LRP1B: variants seen among roughly 807,000 people sequenced by gnomAD.
LRP1B encodes the protein low-density lipoprotein receptor-related protein 1B.
In LRP1B, 217 loss-of-function variants were observed where a neutral mutation model predicts 556.6. That is an observed-to-expected ratio of 0.39 (90% CI 0.35 to 0.44). LRP1B has a LOEUF of 0.44. Ranked by LOEUF, LRP1B falls within the 20% of genes least tolerant of loss-of-function variation. The probability of loss-of-function intolerance (pLI) is 1.00; values close to 1 mark genes in which losing one functional copy is unlikely to be tolerated. For synonymous variants in LRP1B, 2,047 were observed against 1,865.8 expected (o/e 1.10, Z -2.50); for missense variants, 5,053 against 5,620.8 (o/e 0.90, Z 3.23).
intron 79 of LRP1B, among the ~76,000 whole-genome samples, chr2:140,328,445 A>G (rs1303018538): frequency 6.6e-6 from 1 of 151,238 alleles, no homozygotes; most frequent in East Asian, 1.9e-4. Flanking sequence ...CTAGTTCCCC[A>G]ATTTCCATTG....
chr2:140,969,309 G>A (rs1415716434), intron 18 of LRP1B, among the ~76,000 whole-genome samples: 1 of 152,104 alleles, frequency 6.6e-6, no homozygotes, highest in African/African-American at 2.4e-5. Flanking sequence ...TTTGATCTTT[G>A]TTGGTTTAAA....
chr2:140,450,743 CT>C, intron 62 of LRP1B, 82 bp from the exon 63 acceptor site: 1 of 888,922 alleles, frequency 1.1e-6, no homozygotes, highest in Non-Finnish European at 1.7e-6. Flanking sequence ...GCAACACAGC[CT>C]AGTCTACTTT....
chr2:141,331,882 T>C (rs1432327191), intron 3 of LRP1B, among the ~76,000 whole-genome samples: 1 of 152,204 alleles, frequency 6.6e-6, no homozygotes, highest in East Asian at 1.9e-4. Context: ...TTACCCTTGT[T>C]CTACCCCACA....
chr2:140,309,465 A>T (rs1016024766), intron 83 of LRP1B, among the ~76,000 whole-genome samples: 6 of 151,806 alleles, frequency 4.0e-5, no homozygotes, highest in African/African-American at 1.2e-4. Flanking sequence ...AAGATTGAAT[A>T]GTCTGGTATT....
At chr2:141,336,015 C>T (rs531125347) in intron 3 of LRP1B, among the ~76,000 whole-genome samples, 2 of 143,586 alleles carry the variant, frequency 1.4e-5, no homozygotes, top group East Asian at 2.0e-4. Context: ...GGTTTAGGCT[C>T]GATGTTATCT....
rs552354000 is a variant in LRP1B, at chr2:140,935,647, T to C, written c.3137-12500A>G. Among the ~76,000 whole-genome samples the C allele has an allele frequency of 8.5e-5, 13 of 152,142 alleles. No individual in the cohort carries two copies. The East Asian group carries it at 2.1e-3, about 25-fold the overall frequency. ...AAGTTTGATGAAATACATGAATATA[T>C]ACATCCAAGAAGCTCAACCATCCCC... On this transcript the variant is annotated intron_variant, in intron 20 of 90. Coordinates refer to ENST00000389484, the MANE Select transcript of LRP1B (RefSeq NM_018557.3).
intron 6 of LRP1B, among the ~76,000 whole-genome samples, chr2:141,203,402 A>C (rs552074667): frequency 6.6e-6 from 1 of 152,340 alleles, no homozygotes; most frequent in South Asian, 2.1e-4. Context: ...ATCTGTGATA[A>C]AACAGACTTT....
intron 1 of LRP1B, among the ~76,000 whole-genome samples, chr2:141,936,745 G>A (rs558807797): frequency 2.6e-5 from 4 of 152,118 alleles, no homozygotes; most frequent in Admixed American, 2.6e-4. Flanking sequence ...TCATTCGTAG[G>A]ATTCCTAGCA....
chr2:141,820,708 G>T (rs1696722913), intron 1 of LRP1B, among the ~76,000 whole-genome samples: 1 of 152,216 alleles, frequency 6.6e-6, no homozygotes, highest in African/African-American at 2.4e-5. Context: ...ACACAAGTTT[G>T]CATGTTTTAA....
At chr2:140,878,723 G>A (rs1229478395) in intron 25 of LRP1B, among the ~76,000 whole-genome samples, 2 of 152,044 alleles carry the variant, frequency 1.3e-5, no homozygotes, top group East Asian at 3.9e-4. Context: ...AAAAAAATAA[G>A]AGGCCAGGTG....
chr2:141,215,396 T>C (rs974490365), intron 6 of LRP1B, among the ~76,000 whole-genome samples: 3 of 152,150 alleles, frequency 2.0e-5, no homozygotes, highest in Non-Finnish European at 4.4e-5. Context: ...ATACAGATAA[T>C]TGGTACAGAG....
In LRP1B at chr2:141,144,934, C is replaced by G. The variant is rs548562117; in HGVS notation, c.1013+43487G>C. ...GACTAAATGGAAAATGGTTCTCAGG[C>G]TAATGTTTCCAAAAGCTATTAGTAC... is the stretch of plus-strand genomic sequence containing the variant. On this transcript the variant is annotated intron_variant, in intron 7 of 90. Coordinates refer to ENST00000389484, the MANE Select transcript of LRP1B (RefSeq NM_018557.3). Among the ~76,000 whole-genome samples, 158 of 152,298 alleles carry G rather than the reference C, an allele frequency of 1.0e-3. 3 individuals are homozygous for G. The South Asian group carries it at 0.032, about 31-fold the overall frequency.
chr2:140,287,335 C>T (rs1013297327), intron 84 of LRP1B, among the ~76,000 whole-genome samples: 10 of 151,818 alleles, frequency 6.6e-5, no homozygotes, highest in African/African-American at 2.4e-4. Context: ...TAGCTTAATT[C>T]TAGTTCTTCA....
intron 77 of LRP1B, among the ~76,000 whole-genome samples, chr2:140,350,213 T>C (rs1681893912): frequency 1.3e-5 from 2 of 151,812 alleles, no homozygotes; most frequent in South Asian, 2.1e-4. Context: ...CAACCATAAA[T>C]TGAAACATGT....
At chr2:141,464,604 A>ATTTTTTTTTTTTTTT (rs1415837703) in intron 3 of LRP1B, among the ~76,000 whole-genome samples, 1 of 72,796 alleles carries the variant, frequency 1.4e-5, no homozygotes, top group African/African-American at 5.4e-5. Flanking sequence ...ATATATATAT[A>ATTTTTTTTTTTTTTT]TATTTTTTTA....
At chr2:141,439,309 C>G (rs1680874474) in intron 3 of LRP1B, among the ~76,000 whole-genome samples, 1 of 151,968 alleles carries the variant, frequency 6.6e-6, no homozygotes, top group African/African-American at 2.4e-5. Flanking sequence ...TTGCAGTGTT[C>G]ACGGAAGGTA....
At chr2:140,513,326 C>T (rs1689744357) in intron 51 of LRP1B, among the ~76,000 whole-genome samples, 1 of 152,028 alleles carries the variant, frequency 6.6e-6, no homozygotes, top group African/African-American at 2.4e-5. Flanking sequence ...TCAGAAAGCA[C>T]AGTGTTATCA....
intron 1 of LRP1B, among the ~76,000 whole-genome samples, chr2:142,004,921 T>C (rs1702756790): frequency 6.6e-6 from 1 of 151,654 alleles, no homozygotes; most frequent in Non-Finnish European, 1.5e-5. Flanking sequence ...CTACAGCTAA[T>C]TGTACATTTT....
intron 3 of LRP1B, among the ~76,000 whole-genome samples, chr2:141,278,289 T>C (rs985640727): frequency 2.0e-5 from 3 of 152,128 alleles, no homozygotes; most frequent in Admixed American, 6.5e-5. Context: ...ACATTCTAGG[T>C]AGAACCCAGT....
Sources: allele counts gnomAD v4.1 joint callset (sites outside exome capture counted in the v4.1 genomes callset), GRCh38; gene constraint gnomAD v4.1.1; transcripts MANE v1.5; gene names NCBI Gene and HGNC (gene_info 2026-07-23, HGNC 2026-07-21).